Variants in SPTBN4 observed in about 807,000 individuals in gnomAD.
SPTBN4 encodes spectrin beta chain, non-erythrocytic 4.
Under a neutral mutation model 277.8 loss-of-function variants are expected in SPTBN4, and 96 were observed. That is an observed-to-expected ratio of 0.35 (90% confidence interval 0.29 to 0.41). The LOEUF is 0.41. Ranked by LOEUF, SPTBN4 falls within the 10% of genes least tolerant of loss-of-function variation. The pLI is 1.00. For synonymous variants in SPTBN4, 1,481 were observed against 1,580.3 expected (o/e 0.94, Z 1.49); for missense variants, 3,006 against 3,595.7 (o/e 0.84, Z 4.19).
chr19:40,516,830 G>GACAA (rs539815358), intron 15 of SPTBN4, among the ~76,000 whole-genome samples: 29 of 152,048 alleles, frequency 1.9e-4, no homozygotes, highest in East Asian at 1.7e-3. Context: ...TACCAAAACA[G>GACAA]ACAAACAAAC....
In SPTBN4 at chr19:40,490,806, T is replaced by C. The variant is rs991077969; in HGVS notation, c.495+558T>C. On this transcript the variant is annotated intron_variant, in intron 4 of 35. Transcript: ENST00000598249. The surrounding 1 kb of genome is among the most constrained non-coding windows in gnomAD (Gnocchi z 4.3). The stretch of plus-strand genomic sequence containing the variant: ...GAAGTGGCCTGTAAACCCAGCACTT[T>C]GCGAGGCTGAGATGGGAGGAACACT... 3.3e-5 allele frequency among the ~76,000 whole-genome samples: 5 copies of C among 152,204 alleles called. No individual in the cohort carries two copies. Among genetic ancestry groups the C allele is most frequent in the Admixed American group, 2.0e-4 (3 of 15,252 alleles).
chr19:40,506,957 C>T (rs2080337726), intron 13 of SPTBN4, among the ~76,000 whole-genome samples: 1 of 152,128 alleles, frequency 6.6e-6, no homozygotes, highest in South Asian at 2.1e-4. Context: ...ACACTCCAGC[C>T]TGGGTGACAC....
chr19:40,561,016 A>C (rs1319212610), intron 27 of SPTBN4, among the ~76,000 whole-genome samples: 1 of 151,980 alleles, frequency 6.6e-6, no homozygotes, highest in Non-Finnish European at 1.5e-5. Context: ...GGAGGCTGCA[A>C]ATTTTTTTTT....
Position 40,534,244 on chromosome 19 carries a change from T to A in SPTBN4, c.4260T>A (p.Ala1420=), listed in dbSNP as rs767964933. 23 of 1,614,158 alleles carry A rather than the reference T, an allele frequency of 1.4e-5. No individual in the cohort carries two copies. Among genetic ancestry groups the A allele is most frequent in the Non-Finnish European group, 1.9e-5 (22 of 1,180,026 alleles). ...CAGACCAGCTGGTGCAGAGCTTTGC[T>A]GAGCTGGACAAGAAGCTCCTTCACA... The part of the protein sequence containing the change: ...SKADQLVQSF[A]ELDKKLLHME... Residue 1420 remains alanine (A), a synonymous_variant, in exon 20 of 36, where the codon GCT becomes GCA. Coordinates refer to ENST00000598249, the MANE Select transcript of SPTBN4 (RefSeq NM_020971.3).
At position 40,568,191 on chromosome 19, in the gene SPTBN4, A is replaced by G; in HGVS notation, c.6865A>G (p.Met2289Val). 1 of 1,596,042 alleles carries G rather than the reference A, an allele frequency of 6.3e-7. No homozygotes were observed. The highest frequency in any genetic ancestry group is 8.5e-7 in the Non-Finnish European group (1 of 1,171,744). The stretch of plus-strand genomic sequence containing the variant: ...CCTTACCCTGGGCCGCTATGAGCAG[A>G]TGGAGCGGCGGCGCGAGCGGCGTGA... ...HSLTLGRYEQ[M>V]ERRRERRERR... is the part of the protein sequence containing the mutation. The change falls in exon 31 of 36, where the codon ATG (methionine) becomes GTG (valine). Residue 2289 changes from methionine to valine, a missense_variant. Coordinates refer to ENST00000598249, the MANE Select transcript of SPTBN4 (RefSeq NM_020971.3).
At chr19:40,574,562 A>G (rs377132589) in intron 35 of SPTBN4, among the ~76,000 whole-genome samples, 1 of 151,842 alleles carries the variant, frequency 6.6e-6, no homozygotes, top group South Asian at 2.1e-4. Context: ...GGGTTTCTCC[A>G]TGTTGGTCAG....
Position 40,567,746 on chromosome 19 carries a change from G to A in SPTBN4, c.6420G>A (p.Leu2140=), listed in dbSNP as rs946203927. The A allele has an allele frequency of 1.3e-6, 2 of 1,547,412 alleles. No homozygotes were observed. The highest frequency in any genetic ancestry group is 1.7e-6 in the Non-Finnish European group (2 of 1,147,264). ...AGTTCTTTGGGGACCCCACGGAACTGGCGGCCAAGGCGGCGCCCCTGCTGC... is the reference window on the plus strand; with the variant it reads ...AGTTCTTTGGGGACCCCACGGAACTAGCGGCCAAGGCGGCGCCCCTGCTGC... ...GRKFFGDPTE[L]AAKAAPLLRP... Residue 2140 remains leucine, a synonymous_variant, in exon 31 of 36, where the codon CTG becomes CTA. Transcript: ENST00000598249.
At chr19:40,487,900 G>T (rs2080090967) in intron 3 of SPTBN4, 52 bp downstream of exon 3, 3 of 1,516,594 alleles carry the variant, frequency 2.0e-6, no homozygotes, top group Non-Finnish European at 2.6e-6. Context: ...GTCTCAGGCT[G>T]GGGGTTGGGC....
rs763518290 is a variant in SPTBN4 at position 40,560,489 on chromosome 19, A to G, written c.5915+86A>G. 1 of 1,602,258 alleles carries G rather than the reference A, an allele frequency of 6.2e-7. No individual in the cohort carries two copies. The highest frequency in any genetic ancestry group is 1.7e-5 in the Admixed American group (1 of 59,622). ...CAGCCCATTGACAGCCCCCTTCTCA[A>G]TGGAATGACAACAGCCAATATCTGT... On this transcript the variant is annotated intron_variant, in intron 27 of 35. Coordinates refer to ENST00000598249, the MANE Select transcript of SPTBN4 (RefSeq NM_020971.3). The surrounding 1 kb of genome is among the most constrained non-coding windows in gnomAD (Gnocchi z 5.2).
At chr19:40,556,030 C>CCCCAGAAG in intron 24 of SPTBN4, 54 bp from the exon 25 acceptor site, 3 of 1,517,226 alleles carry the variant, frequency 2.0e-6, no homozygotes, top group Non-Finnish European at 2.7e-6. Flanking sequence ...GGGGGTCACG[C>CCCCAGAAG]TCTGCCCCAG....
In SPTBN4 at chr19:40,572,114, A is replaced by C; in HGVS notation, c.7415A>C (p.Glu2472Ala). The C allele has an allele frequency of 6.2e-7, 1 of 1,613,066 alleles. No homozygotes were observed. The highest frequency in any genetic ancestry group is 1.3e-5 in the African/African-American group (1 of 75,012). The part of the protein sequence containing the change: ...GPASGSTHGG[E>A]PLLSLHKATS... ...GCATCCGGGAGCACACACGGTGGGGAACCGCTGCTCAGCCTGCACAAGGCC... is the reference window on the plus strand; with the variant it reads ...GCATCCGGGAGCACACACGGTGGGGCACCGCTGCTCAGCCTGCACAAGGCC... Residue 2472 changes from glutamate (E) to alanine (A), a missense_variant, in exon 34 of 36, where the codon GAA (glutamate) becomes GCA (alanine). This residue lies in a region of SPTBN4 where 630 missense variants were observed against 677.6 expected (regional missense o/e 0.93). Coordinates refer to ENST00000598249, the MANE Select transcript of SPTBN4 (RefSeq NM_020971.3).
intron 2 of SPTBN4, among the ~76,000 whole-genome samples, chr19:40,483,836 C>G (rs968559258): frequency 6.6e-6 from 1 of 152,160 alleles, no homozygotes; most frequent in Non-Finnish European, 1.5e-5. Flanking sequence ...CCTGTCTGTA[C>G]TAATAACTGG....
At chr19:40,483,025 GAC>G (rs1300405963) in intron 2 of SPTBN4, among the ~76,000 whole-genome samples, 2 of 151,178 alleles carry the variant, frequency 1.3e-5, no homozygotes, top group African/African-American at 4.9e-5. Flanking sequence ...CACACACATA[GAC>G]ACACACACCC....
chr19:40,505,221 CAAA>C (rs60448674), intron 12 of SPTBN4, among the ~76,000 whole-genome samples: 5 of 75,026 alleles, frequency 6.7e-5, no homozygotes, highest in Non-Finnish European at 1.2e-4. Flanking sequence ...CCTGTCTGTA[CAAA>C]AAAAAAAAAA....
intron 17 of SPTBN4, among the ~76,000 whole-genome samples, chr19:40,525,060 C>T (rs1391044966): frequency 6.6e-6 from 1 of 152,058 alleles, no homozygotes; most frequent in African/African-American, 2.4e-5. Context: ...TGATCCAGGC[C>T]AGAAGGGGAC....
intron 13 of SPTBN4, among the ~76,000 whole-genome samples, chr19:40,509,768 A>T (rs970425567): frequency 6.6e-6 from 1 of 152,170 alleles, no homozygotes; most frequent in Non-Finnish European, 1.5e-5. Flanking sequence ...GAAAAGGAAG[A>T]ACCTGTCTGG....
chr19:40,512,853 G>A lies in SPTBN4; in HGVS notation c.2064G>A (p.Ala688=). 6.9e-7 allele frequency: 1 copy of A among 1,459,310 alleles called. No homozygotes were observed. Among genetic ancestry groups the A allele is most frequent in the South Asian group, 1.4e-5 (1 of 73,514 alleles). The allele number at this position is 1,459,310 out of a possible 1,614,324, so 90.4% of individuals were successfully genotyped here. Residue 688 remains alanine (A), a synonymous_variant, in exon 14 of 36, where the codon GCG becomes GCA. Transcript: ENST00000598249. ...GCGCAGCGGGAACAGCGGGCGGCGC[G>A]CATGACCTGTCCAGCACAGCGCGCC... ...AAGAAGTAGG[A]HDLSSTARLL...
At chr19:40,574,879 G>T (rs897482228) in intron 35 of SPTBN4, among the ~76,000 whole-genome samples, 3 of 151,926 alleles carry the variant, frequency 2.0e-5, no homozygotes, top group Non-Finnish European at 4.4e-5. Flanking sequence ...GCCAGGCATG[G>T]TGGCACGTGC....
At chr19:40,547,770 C>G (rs1454850718) in intron 20 of SPTBN4, among the ~76,000 whole-genome samples, 1 of 152,190 alleles carries the variant, frequency 6.6e-6, no homozygotes, top group African/African-American at 2.4e-5. Context: ...TTGCATTTAT[C>G]TGATGACCAG....
Sources: gnomAD v4.1 joint callset for allele counts (sites outside exome capture counted in the v4.1 genomes callset) on GRCh38, gnomAD v4.1.1 for gene constraint, gnomAD v4.1.1 regional missense constraint, Gnocchi (gnomAD v3.1) non-coding constraint, MANE v1.5 for transcripts, NCBI Gene and HGNC (gene_info 2026-07-23, HGNC 2026-07-21) for gene names.